ATRNL1: variants seen among roughly 807,000 people sequenced by gnomAD.
ATRNL1 encodes attractin-like protein 1.
ATRNL1 carries 95 observed loss-of-function variants against 182.7 expected under a neutral mutation model. The ratio of observed to expected loss-of-function variants is 0.52; its 90% CI spans 0.44 to 0.62. The LOEUF (loss-of-function observed/expected upper bound fraction) is 0.62, where lower values mean the gene tolerates loss of function less well. Among genes scored for constraint, ATRNL1 ranks in the 20% least tolerant of loss-of-function variants. The probability of loss-of-function intolerance (pLI) is 0.00; values close to 1 mark genes in which losing one functional copy is unlikely to be tolerated. For synonymous variants in ATRNL1, 576 were observed against 568.3 expected (o/e 1.01, Z -0.19); for missense variants, 1,471 against 1,679.5 (o/e 0.88, Z 2.17).
At chr10:115,526,463 C>A (rs1262664490) in intron 25 of ATRNL1, among the ~76,000 whole-genome samples, 1 of 152,136 alleles carries the variant, frequency 6.6e-6, no homozygotes, top group East Asian at 1.9e-4. Flanking sequence ...ACTCCACTCT[C>A]TTTTGAAGGT....
chr10:115,500,202 A>G (rs782729565), intron 24 of ATRNL1, among the ~76,000 whole-genome samples: 3 of 152,158 alleles, frequency 2.0e-5, no homozygotes, highest in African/African-American at 7.2e-5. Flanking sequence ...TTGCTGTTAC[A>G]TTTTCTGAAG....
At chr10:115,375,242 G>T (rs1281335679) in intron 19 of ATRNL1, among the ~76,000 whole-genome samples, 2 of 151,230 alleles carry the variant, frequency 1.3e-5, no homozygotes, top group African/African-American at 4.9e-5. Flanking sequence ...CCTTCTTTTT[G>T]TCTACTGATA....
At chr10:115,765,720 G>A (rs1555074865) in intron 27 of ATRNL1, among the ~76,000 whole-genome samples, 1 of 152,106 alleles carries the variant, frequency 6.6e-6, no homozygotes, top group Non-Finnish European at 1.5e-5. Flanking sequence ...CAGTACCGCA[G>A]GTCATCTAGG....
chr10:115,772,369 A>G (rs1190621149), intron 27 of ATRNL1, among the ~76,000 whole-genome samples: 1 of 152,124 alleles, frequency 6.6e-6, no homozygotes, highest in African/African-American at 2.4e-5. Context: ...CCTTACGAAA[A>G]CGTGAACTTT....
At chr10:115,822,488 A>G (rs10787604) in intron 27 of ATRNL1, among the ~76,000 whole-genome samples, 150,984 of 152,150 alleles carry the variant, frequency 0.99, 74,926 homozygotes, top group Middle Eastern at 1. Context: ...CAGTGAATCC[A>G]GGAGCTGGTT....
chr10:115,382,773 A>G (rs115609996), intron 19 of ATRNL1, among the ~76,000 whole-genome samples: 1 of 151,096 alleles, frequency 6.6e-6, no homozygotes, highest in African/African-American at 2.4e-5. Context: ...AAGAGCAGGC[A>G]TCCATGTCTC....
chr10:115,141,862 C>T (rs1203643785), intron 5 of ATRNL1, among the ~76,000 whole-genome samples: 2 of 152,120 alleles, frequency 1.3e-5, no homozygotes, highest in African/African-American at 2.4e-5. Context: ...AATTTTTACT[C>T]TTAACCTACT....
chr10:115,879,184 G>A (rs1951766839), intron 28 of ATRNL1, among the ~76,000 whole-genome samples: 1 of 151,826 alleles, frequency 6.6e-6, no homozygotes, highest in African/African-American at 2.4e-5. Flanking sequence ...ATACATGCCT[G>A]TAGTCCCAGC....
At chr10:115,237,264 G>GATCC (rs1850225481) in intron 9 of ATRNL1, among the ~76,000 whole-genome samples, 1 of 152,170 alleles carries the variant, frequency 6.6e-6, no homozygotes, top group Non-Finnish European at 1.5e-5. Context: ...GACCACCATG[G>GATCC]AGTGCAATTC....
intron 24 of ATRNL1, among the ~76,000 whole-genome samples, chr10:115,500,731 G>T (rs1320392192): frequency 6.6e-6 from 1 of 151,786 alleles, no homozygotes; most frequent in Non-Finnish European, 1.5e-5. Context: ...AGTGGAGATG[G>T]GGTTTCTCCA....
chr10:115,462,547 G>A (rs546486610), intron 22 of ATRNL1, among the ~76,000 whole-genome samples: 1 of 152,204 alleles, frequency 6.6e-6, no homozygotes, highest in Non-Finnish European at 1.5e-5. Context: ...AGGAGGTGGA[G>A]GTTGCAGTGA....
chr10:115,742,032 G>C lies in ATRNL1; in HGVS notation c.3903+14677G>C, dbSNP rs1434010122. 3.3e-5 allele frequency among the ~76,000 whole-genome samples: 5 copies of C among 152,276 alleles called. No homozygotes were observed. The East Asian group carries it at 9.7e-4, about 29-fold the overall frequency. On this transcript the variant is annotated intron_variant, in intron 27 of 28. Transcript: ENST00000355044. ...CAGTCAATGAAGATAAGCACTAGGA[G>C]AAAAGATGGAATTTGGTAATTATGC...
chr10:115,179,909 C>A (rs1270364511), intron 8 of ATRNL1, among the ~76,000 whole-genome samples: 5 of 151,960 alleles, frequency 3.3e-5, no homozygotes, highest in African/African-American at 1.2e-4. Context: ...AGTAGCTGTT[C>A]CAGTTTTTTA....
rs1223695295 is a variant in ATRNL1 at position 115,223,929 on chromosome 10, ATTTTT to A, written c.1532+8065_1532+8069del. On this transcript the variant is annotated intron_variant, in intron 9 of 28. Coordinates refer to ENST00000355044, the MANE Select transcript of ATRNL1 (RefSeq NM_207303.4). ...TGTGTGTGTGTATATATATATATAT[ATTTTT>A]TTTTTTTTTTTTTTTCTTTGAGACA... is the stretch of plus-strand genomic sequence containing the variant. 1.4e-3 allele frequency among the ~76,000 whole-genome samples: 64 copies of A among 44,734 alleles called. 1 individual carries two copies. Among genetic ancestry groups the A allele is most frequent in the African/African-American group, 5.5e-3 (60 of 10,860 alleles). The allele number at this position is 44,734 out of a possible 152,430, so 29.3% of individuals were successfully genotyped here.
chr10:115,578,753 T>C (rs1854884725), intron 26 of ATRNL1, among the ~76,000 whole-genome samples: 1 of 151,684 alleles, frequency 6.6e-6, no homozygotes, highest in South Asian at 2.1e-4. Flanking sequence ...CTTTATTAGT[T>C]TCTTCATTCT....
At position 115,315,570 on chromosome 10, in the gene ATRNL1, A is replaced by T. The variant is rs1854258763; in HGVS notation, c.2871A>T (p.Gly957=). 1 of 1,613,908 alleles carries T rather than the reference A, an allele frequency of 6.2e-7. No individual in the cohort carries two copies. The highest frequency in any genetic ancestry group is 8.5e-7 in the Non-Finnish European group (1 of 1,179,948). The change falls in exon 18 of 29, where the codon GGA becomes GGT. Residue 957 remains glycine (G), a synonymous_variant. Transcript: ENST00000355044. ...GTGGACAGTGTTTGGAACAGCCTGG[A>T]TGTGGCTGGTGCAATGATCCTAGTA... is the stretch of plus-strand genomic sequence containing the variant. ...RTCGQCLEQP[G]CGWCNDPSNT...
chr10:115,942,880 A>T (rs1280560578), intron 28 of ATRNL1, among the ~76,000 whole-genome samples: 2 of 152,254 alleles, frequency 1.3e-5, no homozygotes, highest in African/African-American at 4.8e-5. Context: ...AATGACTCAT[A>T]TGTAGCTATG....
intron 18 of ATRNL1, among the ~76,000 whole-genome samples, chr10:115,323,919 A>T (rs1854728240): frequency 6.6e-6 from 1 of 151,996 alleles, no homozygotes; most frequent in South Asian, 2.1e-4. Context: ...CTGGAACTAC[A>T]GGCGCCTGCC....
chr10:115,291,452 A>T (rs1434356031), intron 15 of ATRNL1, among the ~76,000 whole-genome samples: 1 of 152,152 alleles, frequency 6.6e-6, no homozygotes, highest in East Asian at 1.9e-4. Context: ...TGGGTTTGTC[A>T]CATATGGCCT....
Sources: gnomAD v4.1 joint callset for allele counts (sites outside exome capture counted in the v4.1 genomes callset) on GRCh38, gnomAD v4.1.1 for gene constraint, MANE v1.5 for transcripts, NCBI Gene and HGNC (gene_info 2026-07-23, HGNC 2026-07-21) for gene names.